ZNF804A: variants seen among roughly 807,000 people sequenced by gnomAD.
ZNF804A encodes the protein zinc finger protein 804A.
Under a neutral mutation model 16.5 loss-of-function variants are expected in ZNF804A, and 2 were observed. That is an observed-to-expected ratio of 0.12 (90% CI 0.05 to 0.38). ZNF804A has a LOEUF of 0.38. Ranked by LOEUF, ZNF804A falls within the 10% of genes least tolerant of loss-of-function variation. ZNF804A has a pLI of 0.99. For missense variants in ZNF804A, 1,473 were observed against 1,390.7 expected (o/e 1.06, Z -0.94); for synonymous variants, 534 against 489.6 (o/e 1.09, Z -1.20).
intron 1 of ZNF804A, among the ~76,000 whole-genome samples, chr2:184,760,910 C>T (rs1175674181): frequency 6.6e-6 from 1 of 152,112 alleles, no homozygotes; most frequent in African/African-American, 2.4e-5. Flanking sequence ...ATATTCTAAT[C>T]TGTAAAAGGT....
At chr2:184,872,326 G>T (rs983298743) in intron 2 of ZNF804A, among the ~76,000 whole-genome samples, 1 of 152,020 alleles carries the variant, frequency 6.6e-6, no homozygotes, top group Non-Finnish European at 1.5e-5. Context: ...ACAGTATACT[G>T]AGGTCGTAGA....
At position 184,780,433 on chromosome 2, in the gene ZNF804A, A is replaced by G. The variant is rs76667042; in HGVS notation, c.112-85936A>G. Reference sequence around the variant, plus strand: ...AATTATTCCATCTTTTACAGGTAAGAAATCTGAGAACTGAAAACTGAGAAC... The same window carrying G: ...AATTATTCCATCTTTTACAGGTAAGGAATCTGAGAACTGAAAACTGAGAAC... On this transcript the variant is annotated intron_variant, in intron 1 of 3. Transcript: ENST00000302277. 1.1e-4 allele frequency among the ~76,000 whole-genome samples: 16 copies of G among 151,944 alleles called. 1 individual carries two copies. In the East Asian group the frequency reaches 3.1e-3, roughly 30 times the overall value.
intron 1 of ZNF804A, among the ~76,000 whole-genome samples, chr2:184,666,959 A>G (rs967117399): frequency 6.6e-6 from 1 of 152,020 alleles, no homozygotes; most frequent in Non-Finnish European, 1.5e-5. Context: ...AATTACATCT[A>G]AATTTTGGTT....
intron 1 of ZNF804A, among the ~76,000 whole-genome samples, chr2:184,681,438 G>C: frequency 6.6e-6 from 1 of 152,184 alleles, no homozygotes; most frequent in Non-Finnish European, 1.5e-5. Context: ...CATTATTCTT[G>C]TGCAAAAGTA....
chr2:184,869,159 A>G (rs1043496702), intron 2 of ZNF804A, among the ~76,000 whole-genome samples: 6 of 151,992 alleles, frequency 3.9e-5, no homozygotes, highest in African/African-American at 1.4e-4. Flanking sequence ...CTGAAATCCA[A>G]AATACTGGTT....
At chr2:184,734,193 C>T (rs888006325) in intron 1 of ZNF804A, among the ~76,000 whole-genome samples, 3 of 152,106 alleles carry the variant, frequency 2.0e-5, no homozygotes, top group African/African-American at 7.2e-5. Flanking sequence ...CCTCCTGCCT[C>T]AGTAACTAGG....
At chr2:184,648,662 T>G (rs1231632877) in intron 1 of ZNF804A, among the ~76,000 whole-genome samples, 2 of 152,172 alleles carry the variant, frequency 1.3e-5, no homozygotes, top group African/African-American at 2.4e-5. Flanking sequence ...TAAAATAGAC[T>G]TTGAAATAAC....
Position 184,746,184 on chromosome 2 carries a change from G to C in ZNF804A, c.112-120185G>C, listed in dbSNP as rs140487556. Among the ~76,000 whole-genome samples the C allele has an allele frequency of 3.4e-3, 520 of 151,304 alleles. 2 individuals are homozygous for C. The highest frequency in any genetic ancestry group is 0.012 in the African/African-American group (486 of 41,358). On this transcript the variant is annotated intron_variant, in intron 1 of 3. Transcript: ENST00000302277. ...AAAACATTTATCATTATTTTGTGTT[G>C]CGAACATTTCAACTCTACTCTTCTA...
At chr2:184,718,522 A>C (rs1471985832) in intron 1 of ZNF804A, among the ~76,000 whole-genome samples, 2 of 152,190 alleles carry the variant, frequency 1.3e-5, no homozygotes, top group African/African-American at 4.8e-5. Flanking sequence ...AATAAAAAGC[A>C]AGTTAGTTAC....
rs1685808541 is a variant in ZNF804A, at chr2:184,937,326, T to C, written c.1930T>C (p.Leu644=). ...GGAACCAATTTCAGAAAAGCAGTAT[T>C]TAGCTGCAGAGCAATTATTAGACTC... The part of the protein sequence containing the change: ...LLEPISEKQY[L]AAEQLLDSHQ... Residue 644 remains leucine, a synonymous_variant, in exon 4 of 4, where the codon TTA becomes CTA. Transcript: ENST00000302277. The C allele has an allele frequency of 6.2e-7, 1 of 1,613,780 alleles. No homozygotes were observed. Among genetic ancestry groups the C allele is most frequent in the African/African-American group, 1.3e-5 (1 of 74,906 alleles).
chr2:184,850,757 C>T (rs1248820236), intron 1 of ZNF804A, among the ~76,000 whole-genome samples: 1 of 151,630 alleles, frequency 6.6e-6, no homozygotes, highest in Admixed American at 6.6e-5. Context: ...TAATTAGATA[C>T]AAATGTTATT....
intron 1 of ZNF804A, among the ~76,000 whole-genome samples, chr2:184,811,870 C>G (rs913423105): frequency 2.6e-5 from 4 of 152,112 alleles, no homozygotes; most frequent in African/African-American, 9.7e-5. Flanking sequence ...GAGTTTTCTT[C>G]CTAGCTTTGC....
In ZNF804A at chr2:184,938,952, T is replaced by A. The variant is rs758738281; in HGVS notation, c.3556T>A (p.Ser1186Thr). 3 of 1,613,364 alleles carry A rather than the reference T, an allele frequency of 1.9e-6. No homozygotes were observed. In the East Asian group the frequency reaches 6.7e-5, roughly 36 times the overall value. ...VLHPSHLAFP[S>T]LPHALFPSLL... ...TCATCCTAGCCATCTGGCTTTCCCA[T>A]CTTTACCCCATGCACTCTTTCCTTC... The change falls in exon 4 of 4, where the codon TCT becomes ACT. Residue 1186 changes from serine (S) to threonine (T), a missense_variant. Transcript: ENST00000302277.
At chr2:184,797,129 A>G (rs1249440149) in intron 1 of ZNF804A, among the ~76,000 whole-genome samples, 1 of 152,070 alleles carries the variant, frequency 6.6e-6, no homozygotes, top group Non-Finnish European at 1.5e-5. Context: ...TTCTGTATGT[A>G]TCTGATGAGT....
At position 184,850,713 on chromosome 2, in the gene ZNF804A, G is replaced by A. The variant is rs539248396; in HGVS notation, c.112-15656G>A. Among the ~76,000 whole-genome samples the A allele has an allele frequency of 1.1e-4, 17 of 151,844 alleles. 1 individual carries two copies. Among genetic ancestry groups the A allele is most frequent in the Middle Eastern group, 6.8e-3 (2 of 294 alleles). On this transcript the variant is annotated intron_variant, in intron 1 of 3. Transcript: ENST00000302277. ...ATCCTTGAAGGAGCAGTAGGGAAGA[G>A]AGAGAGAGTGATTTTCCAAAGCATT...
chr2:184,784,710 C>T (rs942932655), intron 1 of ZNF804A, among the ~76,000 whole-genome samples: 1 of 151,956 alleles, frequency 6.6e-6, no homozygotes, highest in Non-Finnish European at 1.5e-5. Context: ...TTTTGTTCTC[C>T]TGAGGCAAGG....
chr2:184,895,161 G>A (rs947141666), intron 2 of ZNF804A, among the ~76,000 whole-genome samples: 1 of 151,836 alleles, frequency 6.6e-6, no homozygotes, highest in African/African-American at 2.4e-5. Context: ...TAGTGTTCTA[G>A]TCCAACAAGC....
intron 1 of ZNF804A, among the ~76,000 whole-genome samples, chr2:184,637,733 T>C (rs1221089561): frequency 6.6e-6 from 1 of 152,130 alleles, no homozygotes; most frequent in African/African-American, 2.4e-5. Context: ...AATTAAGCTA[T>C]TTATTTTGAA....
At position 184,836,089 on chromosome 2, in the gene ZNF804A, T is replaced by G. The variant is rs372313665; in HGVS notation, c.112-30280T>G. ...TGGGCCTCCTTTCCCTATCTATAAA[T>G]GAGAATTAATAATACTTACTGGATT... On this transcript the variant is annotated intron_variant, in intron 1 of 3. Transcript: ENST00000302277. Among the ~76,000 whole-genome samples the G allele has an allele frequency of 3.5e-4, 54 of 152,216 alleles. No individual in the cohort carries two copies. In the Middle Eastern group the frequency reaches 0.01, roughly 29 times the overall value.
Sources: allele counts gnomAD v4.1 joint callset (sites outside exome capture counted in the v4.1 genomes callset), GRCh38; gene constraint gnomAD v4.1.1; transcripts MANE v1.5; gene names NCBI Gene and HGNC (gene_info 2026-07-23, HGNC 2026-07-21).